Variants in RNF38 observed in about 807,000 individuals in gnomAD.
RNF38 encodes the protein E3 ubiquitin-protein ligase RNF38.
RNF38 carries 15 observed loss-of-function variants against 67.2 expected under a neutral mutation model. That is an observed-to-expected ratio of 0.22 (90% CI 0.15 to 0.34). The LOEUF is 0.34. Among genes scored for constraint, RNF38 ranks in the 10% least tolerant of loss-of-function variants. RNF38 has a pLI of 1.00. For synonymous variants in RNF38, 220 were observed against 218.8 expected, an observed-to-expected ratio of 1.01 and a Z score of -0.05; for missense variants, 524 against 639.9, an observed-to-expected ratio of 0.82 and a Z score of 1.95.
At chr9:36,417,558 C>CGGGA (rs1320030350) in intron 2 of RNF38, among the ~76,000 whole-genome samples, 1 of 152,126 alleles carries the variant, frequency 6.6e-6, no homozygotes, top group Non-Finnish European at 1.5e-5. Context: ...GTCACCCAGG[C>CGGGA]GGGAGTGCAG....
chr9:36,347,511 G>A (rs954525140), intron 9 of RNF38, among the ~76,000 whole-genome samples: 1 of 152,108 alleles, frequency 6.6e-6, no homozygotes, highest in African/African-American at 2.4e-5. Context: ...TTTCATATCT[G>A]CTATAATGAT....
chr9:36,354,260 T>G (rs1833927131), intron 6 of RNF38, among the ~76,000 whole-genome samples: 1 of 152,188 alleles, frequency 6.6e-6, no homozygotes, highest in South Asian at 2.1e-4. Context: ...TGGCGCCATC[T>G]TGGCTCACTG....
At chr9:36,446,271 T>G (rs1839297794) in intron 1 of RNF38, among the ~76,000 whole-genome samples, 2 of 152,190 alleles carry the variant, frequency 1.3e-5, no homozygotes, top group Non-Finnish European at 2.9e-5. Context: ...TAGTTTCTGT[T>G]CCTGGAGTTT....
At chr9:36,372,368 T>C in intron 3 of RNF38, 1 of 567,956 alleles carries the variant, frequency 1.8e-6, no homozygotes, top group Admixed American at 3.2e-5. Flanking sequence ...TTCTATTGTT[T>C]CTTGAAGTTT....
At chr9:36,377,907 T>C (rs2133874530) in intron 2 of RNF38, among the ~76,000 whole-genome samples, 1 of 152,354 alleles carries the variant, frequency 6.6e-6, no homozygotes, top group East Asian at 1.9e-4. Context: ...CATCCGTGGT[T>C]GGTTCAATCT....
chr9:36,390,540 C>G lies in RNF38; in HGVS notation c.89G>C (p.Ser30Thr), dbSNP rs1416117170. The change falls in exon 2 of 12, where the codon AGC (serine) becomes ACC (threonine). Residue 30 changes from serine (S) to threonine (T), a missense_variant. Physicochemically the swap from Ser to Thr is moderately conservative, Grantham distance 58. Transcript: ENST00000259605. ...KVICERVRLQ[S>T]LFPLLPSDQN... ...ATCACTTGGGAGGAGAGGGAACAGG[C>G]TCTGAAGTCTCACCCTTTCACAAAT... is the stretch of plus-strand genomic sequence containing the variant. 2 of 1,613,904 alleles carry G rather than the reference C, an allele frequency of 1.2e-6. No individual in the cohort carries two copies. The highest frequency in any genetic ancestry group is 1.7e-6 in the Non-Finnish European group (2 of 1,179,924).
intron 1 of RNF38, among the ~76,000 whole-genome samples, chr9:36,441,963 GAAT>G (rs1246271174): frequency 6.6e-6 from 1 of 152,120 alleles, no homozygotes; most frequent in Non-Finnish European, 1.5e-5. Flanking sequence ...TATTATCACT[GAAT>G]ATTAGCCTAC....
intron 1 of RNF38, among the ~76,000 whole-genome samples, chr9:36,469,329 CT>C (rs11461344): frequency 1.3e-5 from 2 of 151,510 alleles, no homozygotes; most frequent in African/African-American, 2.4e-5. Context: ...TTTGTTCAAT[CT>C]TTTTTTTCCC....
intron 8 of RNF38, among the ~76,000 whole-genome samples, chr9:36,351,647 GAGGA>G (rs563527458): frequency 6.6e-6 from 1 of 152,310 alleles, no homozygotes; most frequent in Non-Finnish European, 1.5e-5. Context: ...CGGGGAGAGA[GAGGA>G]AGGAAGGAAG....
At chr9:36,487,602 G>A, upstream of RNF38, 2 of 979,802 alleles carry the variant, frequency 2.0e-6, no homozygotes, top group Non-Finnish European at 2.4e-6. Context: ...ACTCGACTCC[G>A]GCGCGGCAGG....
intron 1 of RNF38, among the ~76,000 whole-genome samples, chr9:36,398,162 C>A (rs577081229): frequency 6.6e-6 from 1 of 152,256 alleles, no homozygotes; most frequent in South Asian, 2.1e-4. Flanking sequence ...AGTCCTTACC[C>A]TTAAAGCAAC....
At chr9:36,485,378 A>C (rs913638951) in intron 1 of RNF38, among the ~76,000 whole-genome samples, 1 of 151,646 alleles carries the variant, frequency 6.6e-6, no homozygotes, top group Non-Finnish European at 1.5e-5. Flanking sequence ...CACACTAAAC[A>C]CCAAATACCA....
rs935850482 is a variant in RNF38 at position 36,338,318 on chromosome 9, T to A, written c.*1434A>T. The A allele has an allele frequency of 2.3e-4, 35 of 152,256 alleles. No individual in the cohort carries two copies. Among genetic ancestry groups the A allele is most frequent in the African/African-American group, 8.4e-4 (35 of 41,464 alleles). 9.4% of individuals were successfully genotyped at this position (152,256 alleles called of 1,614,324 possible). On this transcript the variant is annotated 3_prime_UTR_variant, in exon 12 of 12. Coordinates refer to ENST00000259605, the MANE Select transcript of RNF38 (RefSeq NM_022781.5). ...CTCCTGTTTAACAGCATTATTTTTTTATACAAAAACCAAATCTTCATTTAT... is the reference window on the plus strand; with the variant it reads ...CTCCTGTTTAACAGCATTATTTTTTAATACAAAAACCAAATCTTCATTTAT...
intron 1 of RNF38, among the ~76,000 whole-genome samples, chr9:36,475,988 G>T (rs1458342679): frequency 2.2e-5 from 3 of 137,048 alleles, no homozygotes; most frequent in African/African-American, 8.1e-5. Flanking sequence ...CAGCCTGGGT[G>T]ACAGAGCGGG....
In RNF38 at chr9:36,356,565, C is replaced by A. The variant is rs1426773072; in HGVS notation, c.739-92G>T. 124 of 1,047,846 alleles carry A rather than the reference C, an allele frequency of 1.2e-4. 1 individual carries two copies. In the East Asian group the frequency reaches 3.3e-3, roughly 28 times the overall value. 64.9% of individuals were successfully genotyped at this position (1,047,846 alleles called of 1,614,324 possible). A position where few individuals can be genotyped will look rare whatever the true frequency, so the allele number is the denominator to read the frequency against. ...GAGATTAAAATCTGTCATTGTCACA[C>A]CTCTCCCAAAATCATGAAAATGTTT... On this transcript the variant is annotated intron_variant, in intron 5 of 11. Transcript: ENST00000259605.
intron 1 of RNF38, among the ~76,000 whole-genome samples, chr9:36,474,035 C>T (rs12344455): frequency 6.7e-6 from 1 of 148,620 alleles, no homozygotes; most frequent in Non-Finnish European, 1.5e-5. Context: ...TAGCACAGAC[C>T]GGGCGCGGTG....
chr9:36,365,221 C>G (rs1017059074), intron 4 of RNF38, among the ~76,000 whole-genome samples: 1 of 45,912 alleles, frequency 2.2e-5, no homozygotes, highest in Non-Finnish European at 4.4e-5. Flanking sequence ...CTTTTAAGAA[C>G]TAAGAGCCTT....
At chr9:36,377,447 T>G (rs1355384086) in intron 2 of RNF38, among the ~76,000 whole-genome samples, 1 of 152,218 alleles carries the variant, frequency 6.6e-6, no homozygotes, top group Non-Finnish European at 1.5e-5. Flanking sequence ...ATGGCTACAT[T>G]TGATCTTTCC....
chr9:36,427,855 TATGTACCACC>T (rs1838817321), intron 1 of RNF38, among the ~76,000 whole-genome samples: 1 of 151,558 alleles, frequency 6.6e-6, no homozygotes, highest in Admixed American at 6.6e-5. Flanking sequence ...GGATTACAAG[TATGTACCACC>T]ATGCCTGGCT....
Sources: gnomAD v4.1 joint callset for allele counts (sites outside exome capture counted in the v4.1 genomes callset) on GRCh38, gnomAD v4.1.1 for gene constraint, MANE v1.5 for transcripts, NCBI Gene and HGNC (gene_info 2026-07-23, HGNC 2026-07-21) for gene names.